ODF2L: variants seen among roughly 807,000 people sequenced by gnomAD.
The protein encoded by ODF2L is protein BCAP.
ODF2L carries 76 observed loss-of-function variants against 86.3 expected under a neutral mutation model. That is an observed-to-expected ratio of 0.88 (90% CI 0.73 to 1.07). The LOEUF (loss-of-function observed/expected upper bound fraction) is 1.07. Ranked by LOEUF, ODF2L falls within the 50% of genes least tolerant of loss-of-function variation. ODF2L has a pLI of 0.00. For synonymous variants in ODF2L, 241 were observed against 231.3 expected (o/e 1.04, Z -0.38); for missense variants, 748 against 717.4 (o/e 1.04, Z -0.49).
chr1:86,356,570 C>T (rs1275263306), exon 14 of ODF2L: 1 of 1,613,910 alleles, frequency 6.2e-7, no homozygotes, highest in Non-Finnish European at 8.5e-7. Context: ...CACGCTCTAA[C>T]TCCTTCAGAT....
At chr1:86,383,045 G>T (rs1414443396) in intron 5 of ODF2L, 43 bp from the exon 6 acceptor site, 4 of 1,287,108 alleles carry the variant, frequency 3.1e-6, no homozygotes, top group Non-Finnish European at 4.5e-6. Context: ...TCACAACTTG[G>T]ATAATATTGG....
intron 13 of ODF2L, chr1:86,357,996 A>G (rs1167750893): frequency 2.0e-6 from 2 of 985,326 alleles, no homozygotes; most frequent in Non-Finnish European, 2.4e-6. Flanking sequence ...AATTCCATGA[A>G]AGCAGTAAGT....
At chr1:86,359,820 T>G (rs1658901940) in intron 12 of ODF2L, among the ~76,000 whole-genome samples, 1 of 152,086 alleles carries the variant, frequency 6.6e-6, no homozygotes, top group African/African-American at 2.4e-5. Flanking sequence ...ACCCAGCCAG[T>G]TCATTATTCT....
intron 11 of ODF2L, among the ~76,000 whole-genome samples, chr1:86,364,944 A>C (rs542926497): frequency 6.6e-6 from 1 of 152,350 alleles, no homozygotes; most frequent in African/African-American, 2.4e-5. Context: ...TGAAATATAA[A>C]AGAAACTTCC....
chr1:86,374,951 C>T (rs1336345946), intron 8 of ODF2L: 1 of 152,052 alleles, frequency 6.6e-6, no homozygotes, highest in South Asian at 2.1e-4. Flanking sequence ...CAAGCTCCTG[C>T]CTTCTGAGAC....
chr1:86,352,704 T>C (rs1658226745), intron 17 of ODF2L, among the ~76,000 whole-genome samples, 155 bp downstream of exon 16: 1 of 152,198 alleles, frequency 6.6e-6, no homozygotes, highest in Non-Finnish European at 1.5e-5. Flanking sequence ...TTATTTGGCA[T>C]ATCATAACAT....
At position 86,388,573 on chromosome 1, in the gene ODF2L, CT is replaced by C. The variant is rs966911952; in HGVS notation, c.-59-1488del. 1.1e-4 allele frequency among the ~76,000 whole-genome samples: 17 copies of C among 150,660 alleles called. No individual in the cohort carries two copies. In the East Asian group the frequency reaches 2.2e-3, roughly 20 times the overall value. ...AAAGAATATAATGACTAAAGACTGC[CT>C]TTTTTTTTAAATTCACCCCTTGATT... On this transcript the variant is annotated intron_variant, in intron 1 of 17. Coordinates refer to ENST00000317336, the Ensembl canonical transcript of ODF2L.
exon 15 of ODF2L, chr1:86,354,846 T>G (rs1658416646): frequency 1.3e-6 from 2 of 1,598,636 alleles, no homozygotes; most frequent in African/African-American, 1.3e-5. Flanking sequence ...CAGAAGATTG[T>G]GATTTCCATC....
At position 86,352,861 on chromosome 1, in the gene ODF2L, T is replaced by C. The variant is rs146822847; in HGVS notation, c.1891A>G (p.Ser631Gly). ...TGTTAAGCCATGCTAATACTTACAC[T>C]GTTCATTTTGCAAACAAGTTGATTT... Residue 631 changes from serine (S) to glycine (G), a missense_variant and splice_region_variant, in exon 17 of 18, where the codon AGT becomes GGT. Ser to Gly is a moderately conservative substitution (Grantham distance 56). Transcript: ENST00000317336. The C allele has an allele frequency of 2.2e-4, 327 of 1,514,230 alleles. 1 individual carries two copies. In the African/African-American group the frequency reaches 4.0e-3, roughly 18 times the overall value. The allele number at this position is 1,514,230 out of a possible 1,614,324, so 93.8% of individuals were successfully genotyped here.
chr1:86,372,464 G>T (rs1422219616), exon 9 of ODF2L: 24 of 1,508,918 alleles, frequency 1.6e-5, no homozygotes, highest in Non-Finnish European at 1.9e-5. Flanking sequence ...TTCCAATTCG[G>T]TTTTTTCTAT....
chr1:86,372,371 G>A, intron 9 of ODF2L, 60 bp downstream of exon 9: 3 of 788,734 alleles, frequency 3.8e-6, no homozygotes, highest in South Asian at 3.2e-5. Flanking sequence ...ACAACTCAAA[G>A]AATTTTTTAA....
At chr1:86,384,081 G>A (rs1033203097) in intron 4 of ODF2L, among the ~76,000 whole-genome samples, 14 of 151,756 alleles carry the variant, frequency 9.2e-5, no homozygotes, top group African/African-American at 3.4e-4. Flanking sequence ...AATTTTCTAT[G>A]AGCATGTAAC....
intron 2 of ODF2L, 197 bp downstream of exon 2, chr1:86,386,718 A>C (rs1362908994): frequency 2.4e-6 from 1 of 416,950 alleles, no homozygotes; most frequent in African/African-American, 2.1e-5. Flanking sequence ...TTTCATTAAG[A>C]TTCAAAAAAA....
In ODF2L at chr1:86,356,615, A is replaced by G; in HGVS notation, c.1360-13T>C. 6.2e-7 allele frequency: 1 copy of G among 1,608,394 alleles called. No homozygotes were observed. The highest frequency in any genetic ancestry group is 1.3e-5 in the African/African-American group (1 of 74,920). ...TCTGGCCTCTCATCTGAGTTGTGGCAGTAGGGAAATAAGTGCAAGATCACA... is the reference window on the plus strand; with the variant it reads ...TCTGGCCTCTCATCTGAGTTGTGGCGGTAGGGAAATAAGTGCAAGATCACA... On this transcript the variant is annotated splice_polypyrimidine_tract_variant and intron_variant, in intron 13 of 17. Transcript: ENST00000317336.
At chr1:86,358,765 T>C (rs1320936231) in intron 13 of ODF2L, 22 bp downstream of exon 12, 2 of 942,382 alleles carry the variant, frequency 2.1e-6, no homozygotes, top group South Asian at 3.5e-5. Flanking sequence ...AAAATATTAT[T>C]TATTTGAAAT....
intron 4 of ODF2L, among the ~76,000 whole-genome samples, 159 bp from the exon 5 acceptor site, chr1:86,383,355 A>G (rs11801454): frequency 0.02 from 3,006 of 151,934 alleles, 100 homozygotes; most frequent in African/African-American, 0.069. Flanking sequence ...AGTATTCCAA[A>G]TTATTTTTGG....
chr1:86,372,762 A>G (rs1471211163), intron 8 of ODF2L, among the ~76,000 whole-genome samples: 21 of 152,238 alleles, frequency 1.4e-4, no homozygotes, highest in Admixed American at 1.4e-3. Flanking sequence ...GATAAAGAAA[A>G]TATGGTATAT....
chr1:86,376,797 C>A (rs1266708875), intron 7 of ODF2L, among the ~76,000 whole-genome samples: 6 of 152,172 alleles, frequency 3.9e-5, no homozygotes, highest in Admixed American at 1.3e-4. Flanking sequence ...ATCCAATCAC[C>A]TCCCACCAGG....
chr1:86,395,635 C>T (rs901961248), intron 1 of ODF2L, among the ~76,000 whole-genome samples: 1 of 152,158 alleles, frequency 6.6e-6, no homozygotes, highest in Non-Finnish European at 1.5e-5. Flanking sequence ...TACGAAGCCC[C>T]CAGGGCTTCC....
Sources: gnomAD v4.1 joint callset for allele counts (sites outside exome capture counted in the v4.1 genomes callset) on GRCh38, gnomAD v4.1.1 for gene constraint, MANE v1.5 for transcripts, NCBI Gene and HGNC (gene_info 2026-07-23, HGNC 2026-07-21) for gene names.